KIRREL3: variants seen among roughly 807,000 people sequenced by gnomAD.
KIRREL3 encodes kirre like nephrin family adhesion molecule 3.
A neutral mutation model predicts 89.7 loss-of-function variants in KIRREL3; 36 were observed. That is an observed-to-expected ratio of 0.40 (90% CI 0.31 to 0.53). The LOEUF is 0.53. KIRREL3 is among the 20% of genes least tolerant of loss of function. The pLI, the probability that KIRREL3 is intolerant of heterozygous loss-of-function variation, is 0.49. For missense variants in KIRREL3, 864 were observed against 1,056.6 expected (o/e 0.82, Z 2.53); for synonymous variants, 445 against 441.4 (o/e 1.01, Z -0.10).
rs180844632 is a variant in KIRREL3, at chr11:126,883,388, C to G, written c.55+117067G>C. Among the ~76,000 whole-genome samples the G allele has an allele frequency of 6.6e-5, 10 of 152,320 alleles. No homozygotes were observed. In the East Asian group the frequency reaches 1.9e-3, roughly 29 times the overall value. ...CATTGTCGCACTTCCTGTCACCTCT[C>G]TCTCCTGCATCCCTCTCTATCTATG... is the stretch of plus-strand genomic sequence containing the variant. On this transcript the variant is annotated intron_variant, in intron 1 of 16. Coordinates refer to ENST00000525144, the MANE Select transcript of KIRREL3 (RefSeq NM_032531.4). The surrounding 1 kb of genome is among the most constrained non-coding windows in gnomAD (Gnocchi z 4.1).
rs551853657 is a variant in KIRREL3 at position 126,924,807 on chromosome 11, A to G, written c.55+75648T>C. On this transcript the variant is annotated intron_variant, in intron 1 of 16. Transcript: ENST00000525144. This position sits in a 1 kb window ranked among gnomAD's most constrained non-coding sequence, Gnocchi z 4.7. ...CTGCCCCATCAACACCCTCACCTCA[A>G]CCCTCCTGGTTAGCCTCTCTGATGT... 5.5e-4 allele frequency among the ~76,000 whole-genome samples: 84 copies of G among 151,684 alleles called. No individual in the cohort carries two copies. In the Middle Eastern group the frequency reaches 0.01, roughly 18 times the overall value.
chr11:126,472,632 G>C (rs1956925766), intron 5 of KIRREL3, among the ~76,000 whole-genome samples: 2 of 151,390 alleles, frequency 1.3e-5, no homozygotes, highest in African/African-American at 4.9e-5. Context: ...GGCCACTACT[G>C]TCCCTGAGTC....
intron 1 of KIRREL3, among the ~76,000 whole-genome samples, chr11:126,779,488 T>C (rs1364267399): frequency 6.6e-6 from 1 of 152,204 alleles, no homozygotes. Flanking sequence ...AGCAACACAA[T>C]CCTTTTCTTC....
rs546329440 is a variant in KIRREL3 at position 126,632,224 on chromosome 11, T to C, written c.56-69312A>G. ...ATATAAGGCAATGCCTATGAGTCTT[T>C]AGCTGAATTTCTCTAATCAGGGCTC... On this transcript the variant is annotated intron_variant, in intron 1 of 16. Transcript: ENST00000525144. 5.3e-5 allele frequency among the ~76,000 whole-genome samples: 8 copies of C among 152,340 alleles called. No individual in the cohort carries two copies. The East Asian group carries it at 1.5e-3, about 29-fold the overall frequency.
chr11:126,872,749 T>C lies in KIRREL3; in HGVS notation c.55+127706A>G, dbSNP rs1157397286. 6.6e-6 allele frequency among the ~76,000 whole-genome samples: 1 copy of C among 152,202 alleles called. No individual in the cohort carries two copies. The highest frequency in any genetic ancestry group is 1.5e-5 in the Non-Finnish European group (1 of 68,034). On this transcript the variant is annotated intron_variant, in intron 1 of 16. Coordinates refer to ENST00000525144, the MANE Select transcript of KIRREL3 (RefSeq NM_032531.4). This position sits in a 1 kb window ranked among gnomAD's most constrained non-coding sequence, Gnocchi z 4.2. Reference sequence around the variant, plus strand: ...CTGCTCTGTGCTGCCAGAATGGTGCTGAATATGAATGAGAAAGTAAATTAG... The same window carrying C: ...CTGCTCTGTGCTGCCAGAATGGTGCCGAATATGAATGAGAAAGTAAATTAG...
At chr11:126,695,406 CAAAAAAAAAAAAA>C (rs36034228) in intron 1 of KIRREL3, among the ~76,000 whole-genome samples, 1 of 64,350 alleles carries the variant, frequency 1.6e-5, no homozygotes, top group Non-Finnish European at 2.9e-5. Flanking sequence ...TTAGCTTTAC[CAAAAAAAAAAAAA>C]AAAAAAAAAA....
chr11:126,810,381 T>A (rs1388169931), intron 1 of KIRREL3, among the ~76,000 whole-genome samples: 1 of 152,176 alleles, frequency 6.6e-6, no homozygotes. Context: ...TTACCATATA[T>A]TAGCTTTCTG....
In KIRREL3 at chr11:126,484,207, A is replaced by G. The variant is rs1430245959; in HGVS notation, c.434-10741T>C. On this transcript the variant is annotated intron_variant, in intron 4 of 16. Transcript: ENST00000525144. This position sits in a 1 kb window ranked among gnomAD's most constrained non-coding sequence, Gnocchi z 5.2. ...AGCACCTCTTACACTGGTCCTCACC[A>G]CATCTCTATTGCATTGACTTGTGGA... Among the ~76,000 whole-genome samples the G allele has an allele frequency of 6.6e-6, 1 of 152,142 alleles. No homozygotes were observed. The highest frequency in any genetic ancestry group is 1.5e-5 in the Non-Finnish European group (1 of 68,028).
rs968081341 is a variant in KIRREL3 at position 126,609,056 on chromosome 11, G to T, written c.56-46144C>A. Among the ~76,000 whole-genome samples, 1 of 152,148 alleles carries T rather than the reference G, an allele frequency of 6.6e-6. No homozygotes were observed. Among genetic ancestry groups the T allele is most frequent in the Admixed American group, 6.5e-5 (1 of 15,284 alleles). The stretch of plus-strand genomic sequence containing the variant: ...TGCTAGGAGAATGGAAAACTAACCC[G>T]GAGACAGGGCTAAAGTTACTGCCCA... On this transcript the variant is annotated intron_variant, in intron 1 of 16. Transcript: ENST00000525144. This position sits in a 1 kb window ranked among gnomAD's most constrained non-coding sequence, Gnocchi z 5.0.
At chr11:126,962,847 A>G (rs933060716) in intron 1 of KIRREL3, among the ~76,000 whole-genome samples, 4 of 152,194 alleles carry the variant, frequency 2.6e-5, no homozygotes, top group Non-Finnish European at 4.4e-5. Context: ...GCAGTCGTCA[A>G]CACTAAGGCA....
In KIRREL3 at chr11:126,523,614, G is replaced by A. The variant is rs531740963; in HGVS notation, c.284-2150C>T. Among the ~76,000 whole-genome samples, 1 of 152,096 alleles carries A rather than the reference G, an allele frequency of 6.6e-6. No homozygotes were observed. Among genetic ancestry groups the A allele is most frequent in the Admixed American group, 6.5e-5 (1 of 15,284 alleles). Reference sequence around the variant, plus strand: ...GCCTCTCCTCCTGCCCACACTTCCCGCCTTCTGCTGGGCTTTGGGAATGAG... The same window carrying A: ...GCCTCTCCTCCTGCCCACACTTCCCACCTTCTGCTGGGCTTTGGGAATGAG... On this transcript the variant is annotated intron_variant, in intron 3 of 16. Coordinates refer to ENST00000525144, the MANE Select transcript of KIRREL3 (RefSeq NM_032531.4). The surrounding 1 kb of genome is among the most constrained non-coding windows in gnomAD (Gnocchi z 4.9).
At chr11:126,722,964 C>G (rs998472589) in intron 1 of KIRREL3, among the ~76,000 whole-genome samples, 7 of 152,200 alleles carry the variant, frequency 4.6e-5, no homozygotes, top group Non-Finnish European at 1.0e-4. Context: ...TGGTAAGCTT[C>G]AAGCGTCACC....
Position 126,431,244 on chromosome 11 carries a change from C to G in KIRREL3, c.1696+175G>C. 6.6e-7 allele frequency: 1 copy of G among 1,526,280 alleles called. No homozygotes were observed. Among genetic ancestry groups the G allele is most frequent in the Non-Finnish European group, 8.8e-7 (1 of 1,130,452 alleles). The allele number at this position is 1,526,280 out of a possible 1,614,324, so 94.5% of individuals were successfully genotyped here. A position where few individuals can be genotyped will look rare whatever the true frequency, so the allele number is the denominator to read the frequency against. ...GCCTAGCGCCCACTCTGCCAGGCGC[C>G]ATGTTGCCCAGGCTCACATACACCG... On this transcript the variant is annotated intron_variant, in intron 14 of 16. Transcript: ENST00000525144. The surrounding 1 kb of genome is among the most constrained non-coding windows in gnomAD (Gnocchi z 7.1).
At chr11:126,714,193 C>G (rs1250967795) in intron 1 of KIRREL3, among the ~76,000 whole-genome samples, 3 of 152,298 alleles carry the variant, frequency 2.0e-5, no homozygotes, top group Middle Eastern at 6.8e-3. Context: ...ACCTGCCTTA[C>G]ACAGTTCTGG....
At position 126,429,118 on chromosome 11, in the gene KIRREL3, A is replaced by G. The variant is rs1258206181; in HGVS notation, c.1806+61T>C. The G allele has an allele frequency of 4.6e-6, 5 of 1,097,784 alleles. No homozygotes were observed. In the African/African-American group the frequency reaches 7.7e-5, roughly 17 times the overall value. The allele number at this position is 1,097,784 out of a possible 1,614,324, so 68.0% of individuals were successfully genotyped here. ...GCATCTAGTTCATTGAGAAGCCTCT[A>G]GTCCCAGGACCTTCTGGGAATGGAG... On this transcript the variant is annotated intron_variant, in intron 15 of 16. Transcript: ENST00000525144. The surrounding 1 kb of genome is among the most constrained non-coding windows in gnomAD (Gnocchi z 5.2).
chr11:126,922,507 C>G (rs914065908), intron 1 of KIRREL3, among the ~76,000 whole-genome samples: 1 of 152,056 alleles, frequency 6.6e-6, no homozygotes, highest in Non-Finnish European at 1.5e-5. Context: ...CTTTCCCTGC[C>G]CTTACATGAG....
In KIRREL3 at chr11:126,939,306, T is replaced by C. The variant is rs188940239; in HGVS notation, c.55+61149A>G. Among the ~76,000 whole-genome samples the C allele has an allele frequency of 3.3e-3, 508 of 152,272 alleles. 2 individuals are homozygous for C. The highest frequency in any genetic ancestry group is 4.9e-3 in the Non-Finnish European group (336 of 68,008). ...ATGGGCTGCTCCACCTTCGAGCGCT[T>C]AATTAGTTTGTCTTTCTGGATGCTC... On this transcript the variant is annotated intron_variant, in intron 1 of 16. Coordinates refer to ENST00000525144, the MANE Select transcript of KIRREL3 (RefSeq NM_032531.4).
intron 1 of KIRREL3, among the ~76,000 whole-genome samples, chr11:126,923,225 CT>C (rs1271582709): frequency 0.017 from 653 of 38,604 alleles, 109 homozygotes; most frequent in African/African-American, 0.029. Context: ...TCTTCTTCTT[CT>C]TCTTCTTCTT....
chr11:126,585,289 A>G (rs1275578480), intron 1 of KIRREL3, among the ~76,000 whole-genome samples: 1 of 124,874 alleles, frequency 8.0e-6, no homozygotes, highest in African/African-American at 3.2e-5. Context: ...GCAATGGTGC[A>G]ATGGCGAGAT....
Sources: gnomAD v4.1 joint callset for allele counts (sites outside exome capture counted in the v4.1 genomes callset) on GRCh38, gnomAD v4.1.1 for gene constraint, Gnocchi (gnomAD v3.1) non-coding constraint, MANE v1.5 for transcripts, NCBI Gene and HGNC (gene_info 2026-07-23, HGNC 2026-07-21) for gene names.